Variants in ERBIN observed in about 807,000 individuals in gnomAD.
ERBIN encodes the protein densin-180-like protein.
ERBIN carries 60 observed loss-of-function variants against 158.4 expected under a neutral mutation model. That is an observed-to-expected ratio of 0.38 (90% CI 0.31 to 0.47). The LOEUF (loss-of-function observed/expected upper bound fraction) is 0.47. Ranked by LOEUF, ERBIN falls within the 20% of genes least tolerant of loss-of-function variation. The pLI is 0.99. For synonymous variants in ERBIN, 594 were observed against 557.2 expected (o/e 1.07, Z -0.93); for missense variants, 1,610 against 1,648.0 (o/e 0.98, Z 0.40).
intron 1 of ERBIN, among the ~76,000 whole-genome samples, chr5:65,935,605 G>A (rs1485302867): frequency 6.6e-6 from 1 of 152,152 alleles, no homozygotes; most frequent in African/African-American, 2.4e-5. Flanking sequence ...TTCTTGAGGC[G>A]ACTGTGAAAG....
rs1405526639 is a variant in ERBIN at position 66,018,527 on chromosome 5, TTATATTATATAA to T, written c.534-2789_534-2778del. On this transcript the variant is annotated intron_variant, in intron 7 of 25. Transcript: ENST00000284037. ...TATATTATATATTATATAATATATATTATATTATATAATATATATTATATATTATATAATATA... is the reference window on the plus strand; with the variant it reads ...TATATTATATATTATATAATATATATTATATATTATATATTATATAATATA... Among the ~76,000 whole-genome samples the T allele has an allele frequency of 2.8e-3, 13 of 4,570 alleles. 2 individuals carry two copies. Among genetic ancestry groups the T allele is most frequent in the Non-Finnish European group, 4.0e-3 (9 of 2,224 alleles). 3.0% of individuals were successfully genotyped at this position (4,570 alleles called of 152,430 possible).
Position 66,075,204 on chromosome 5 carries a change from C to A in ERBIN, c.3937C>A (p.Gln1313Lys), listed in dbSNP as rs1363537903. The A allele has an allele frequency of 1.2e-6, 2 of 1,614,120 alleles. No homozygotes were observed. The highest frequency in any genetic ancestry group is 2.2e-5 in the East Asian group (1 of 44,876). The change falls in exon 23 of 26, where the codon CAA becomes AAA. Residue 1313 changes from glutamine to lysine, a missense_variant. By Grantham distance (53) the Gln-to-Lys change is moderately conservative. Around this residue, in one of 2 missense-constraint regions of ERBIN, gnomAD observed 1,014 missense variants for 936.1 expected, o/e 1.08. Transcript: ENST00000284037. ...PYTQPHCSPR[Q>K]GHELAKQEIR... ...TACACAGCCCCATTGTTCTCCTAGACAAGGCCATGAACTGGCAAAACAAGA... is the reference window on the plus strand; with the variant it reads ...TACACAGCCCCATTGTTCTCCTAGAAAAGGCCATGAACTGGCAAAACAAGA...
intron 10 of ERBIN, 24 bp from the exon 11 acceptor site, chr5:66,025,456 G>T (rs1756137652): frequency 1.9e-6 from 3 of 1,571,432 alleles, no homozygotes; most frequent in Non-Finnish European, 8.8e-7. Flanking sequence ...CTGAAAAATT[G>T]TATGTTGTTT....
chr5:66,072,060 C>T (rs976142639), intron 21 of ERBIN, 109 bp from the exon 22 acceptor site: 3 of 1,150,672 alleles, frequency 2.6e-6, no homozygotes, highest in South Asian at 3.3e-5. Flanking sequence ...GGGTCTTCAT[C>T]TTTGCACTAT....
At chr5:66,029,202 A>G (rs1313801521) in intron 14 of ERBIN, among the ~76,000 whole-genome samples, 2 of 152,156 alleles carry the variant, frequency 1.3e-5, no homozygotes, top group East Asian at 3.9e-4. Flanking sequence ...TGATAGTTCC[A>G]TTTTAAATAT....
intron 4 of ERBIN, among the ~76,000 whole-genome samples, chr5:66,001,720 G>A (rs1021298828): frequency 6.6e-6 from 1 of 152,158 alleles, no homozygotes; most frequent in Admixed American, 6.5e-5. Context: ...AAACTGGAAT[G>A]TTAATTTGTT....
At chr5:65,958,096 T>C (rs578117671) in intron 1 of ERBIN, among the ~76,000 whole-genome samples, 52 of 143,938 alleles carry the variant, frequency 3.6e-4, no homozygotes, top group African/African-American at 1.4e-3. Flanking sequence ...ACTTCCTAGA[T>C]GGGATGGCGG....
At chr5:66,055,543 C>T (rs562313656) in intron 21 of ERBIN, among the ~76,000 whole-genome samples, 52 of 152,104 alleles carry the variant, frequency 3.4e-4, no homozygotes, top group African/African-American at 1.2e-3. Context: ...AACTAATGCT[C>T]GTGTTCAATT....
intron 14 of ERBIN, among the ~76,000 whole-genome samples, chr5:66,029,117 A>T (rs1025205932): frequency 9.9e-5 from 15 of 152,168 alleles, no homozygotes; most frequent in Non-Finnish European, 1.5e-5. Flanking sequence ...TGAACATGGG[A>T]GTGCAGACAT....
At chr5:66,042,126 T>C (rs570989304) in intron 15 of ERBIN, among the ~76,000 whole-genome samples, 6 of 152,198 alleles carry the variant, frequency 3.9e-5, no homozygotes, top group South Asian at 2.1e-4. Context: ...TGCAGAAATA[T>C]TCGAATTGAC....
At chr5:66,029,478 AC>A (rs1756615704) in intron 14 of ERBIN, among the ~76,000 whole-genome samples, 1 of 152,182 alleles carries the variant, frequency 6.6e-6, no homozygotes, top group Non-Finnish European at 1.5e-5. Context: ...GATTATATTA[AC>A]AGCCCTGAGG....
rs1199413289 is a variant in ERBIN, at chr5:66,076,331, G to A, written c.3979G>A (p.Glu1327Lys). The change falls in exon 24 of 26, where the codon GAA becomes AAA. Residue 1327 changes from glutamate (E) to lysine (K), a missense_variant. Physicochemically the swap from Glu to Lys is moderately conservative, Grantham distance 56. Coordinates refer to ENST00000284037, the MANE Select transcript of ERBIN (RefSeq NM_001253697.2). ...ATTAACTCAGATTCGAGTGAGGGTT[G>A]AAAAGGATCCAGAACTTGGATTTAG... is the stretch of plus-strand genomic sequence containing the variant. ...LAKQEIRVRV[E>K]KDPELGFSIS... 6.2e-7 allele frequency: 1 copy of A among 1,613,456 alleles called. No individual in the cohort carries two copies. Among genetic ancestry groups the A allele is most frequent in the Admixed American group, 1.7e-5 (1 of 59,908 alleles).
chr5:65,964,902 G>T (rs1748363164), intron 1 of ERBIN, among the ~76,000 whole-genome samples: 1 of 127,500 alleles, frequency 7.8e-6, no homozygotes, highest in African/African-American at 3.1e-5. Flanking sequence ...ACCACGCCTG[G>T]CTGATTTGTG....
intron 21 of ERBIN, chr5:66,068,866 T>G (rs1456054122): frequency 1.5e-6 from 1 of 647,202 alleles, no homozygotes; most frequent in African/African-American, 1.6e-5. Flanking sequence ...ATCTATCCCC[T>G]CTTTATTCAG....
rs149165726 is a variant in ERBIN at position 66,039,025 on chromosome 5, C to CGTGTGTGTGTGT, written c.1306+552_1306+563dup. Among the ~76,000 whole-genome samples, 409 of 148,802 alleles carry CGTGTGTGTGTGT rather than the reference C, an allele frequency of 2.7e-3. 2 individuals carry two copies. Among genetic ancestry groups the CGTGTGTGTGTGT allele is most frequent in the African/African-American group, 9.7e-3 (396 of 40,764 alleles). On this transcript the variant is annotated intron_variant, in intron 15 of 25. Transcript: ENST00000284037. ...TTTTTAGTATATGTTGTACTCTCTGCGTGTGTGTGTGTGTGTGTGTTTATT... is the reference window on the plus strand; with the variant it reads ...TTTTTAGTATATGTTGTACTCTCTGCGTGTGTGTGTGTGTGTGTGTGTGTGTGTGTGTTTATT...
At chr5:66,057,418 A>T (rs1759710085) in intron 21 of ERBIN, among the ~76,000 whole-genome samples, 1 of 152,174 alleles carries the variant, frequency 6.6e-6, no homozygotes. Context: ...TTATCAGCTG[A>T]TTAAAGTTAT....
In ERBIN at chr5:66,026,310, C is replaced by A; in HGVS notation, c.1029C>A (p.Ser343Arg). The A allele has an allele frequency of 6.3e-7, 1 of 1,576,160 alleles. No homozygotes were observed. Among genetic ancestry groups the A allele is most frequent in the Non-Finnish European group, 8.6e-7 (1 of 1,164,736 alleles). The change falls in exon 13 of 26, where the codon AGC (serine) becomes AGA (arginine). Residue 343 changes from serine to arginine, a missense_variant. Physicochemically the swap from Ser to Arg is moderately radical, Grantham distance 110 (BLOSUM62 -1). This residue lies in a region of ERBIN where 596 missense variants were observed against 711.9 expected (regional missense o/e 0.84). Transcript: ENST00000284037. Reference sequence around the variant, plus strand: ...TTATATTTCTCTTTCAGATTGGAAGCTGGAAAAATATAACTGTGCTGTTTC... The same window carrying A: ...TTATATTTCTCTTTCAGATTGGAAGATGGAAAAATATAACTGTGCTGTTTC... Reference protein sequence around the residue: ...YLQQLPPEIGSWKNITVLFLH... With the variant: ...YLQQLPPEIGRWKNITVLFLH...
At chr5:65,989,521 C>T (rs771877537) in intron 2 of ERBIN, among the ~76,000 whole-genome samples, 1 of 152,124 alleles carries the variant, frequency 6.6e-6, no homozygotes, top group African/African-American at 2.4e-5. Flanking sequence ...TTTCTGAATT[C>T]GTTCTCCTTT....
At chr5:66,012,473 GA>G (rs766501470) in intron 5 of ERBIN, among the ~76,000 whole-genome samples, 1 of 150,662 alleles carries the variant, frequency 6.6e-6, no homozygotes, top group Non-Finnish European at 1.5e-5. Context: ...TCAAACTTTT[GA>G]AAACAATGAA....
Sources: allele counts gnomAD v4.1 joint callset (sites outside exome capture counted in the v4.1 genomes callset), GRCh38; gene constraint gnomAD v4.1.1; regional missense constraint gnomAD v4.1.1; transcripts MANE v1.5; gene names NCBI Gene and HGNC (gene_info 2026-07-23, HGNC 2026-07-21).